DENND1A: variants seen among roughly 807,000 people sequenced by gnomAD.
DENND1A encodes the protein DENN domain-containing protein 1A.
A neutral mutation model predicts 113.7 loss-of-function variants in DENND1A; 51 were observed. That is an observed-to-expected ratio of 0.45 (90% CI 0.36 to 0.57). The LOEUF (loss-of-function observed/expected upper bound fraction) is 0.57, where lower values mean the gene tolerates loss of function less well. DENND1A is among the 20% of genes least tolerant of loss of function. The probability of loss-of-function intolerance (pLI) is 0.00; values close to 1 mark genes in which losing one functional copy is unlikely to be tolerated. For synonymous variants in DENND1A, 565 were observed against 570.8 expected, an observed-to-expected ratio of 0.99 and a Z score of 0.14; for missense variants, 1,258 against 1,395.9, an observed-to-expected ratio of 0.90 and a Z score of 1.57.
intron 5 of DENND1A, among the ~76,000 whole-genome samples, chr9:123,677,778 T>C (rs933880010): frequency 6.6e-6 from 1 of 152,194 alleles, no homozygotes; most frequent in Non-Finnish European, 1.5e-5. Context: ...TCGCACATTG[T>C]ACTTAATTGC....
intron 1 of DENND1A, among the ~76,000 whole-genome samples, chr9:123,919,055 A>G (rs947433327): frequency 3.3e-5 from 5 of 152,178 alleles, no homozygotes; most frequent in Admixed American, 1.3e-4. Context: ...TGCATGGGGG[A>G]AAAAGACAGC....
chr9:123,584,539 G>A lies in DENND1A; in HGVS notation c.766-1269C>T, dbSNP rs1589238142. ...ACATCCAATGGCTGCTCAAGCTCCA[G>A]TTTCCAATGCCCTGGAAATGGACAA... On this transcript the variant is annotated intron_variant, in intron 11 of 23. Coordinates refer to ENST00000394215, the MANE Select transcript of DENND1A (RefSeq NM_001352964.2). Among the ~76,000 whole-genome samples, 3 of 152,340 alleles carry A rather than the reference G, an allele frequency of 2.0e-5. No homozygotes were observed. In the Middle Eastern group the frequency reaches 0.01, roughly 518 times the overall value.
chr9:123,564,186 T>C (rs1377515893), intron 12 of DENND1A, among the ~76,000 whole-genome samples: 2 of 152,344 alleles, frequency 1.3e-5, no homozygotes, highest in African/African-American at 4.8e-5. Context: ...TACATGTCTT[T>C]CTCCCCAGGA....
At chr9:123,589,057 C>T (rs1249555315) in intron 11 of DENND1A, among the ~76,000 whole-genome samples, 4 of 152,082 alleles carry the variant, frequency 2.6e-5, no homozygotes, top group Non-Finnish European at 4.4e-5. Flanking sequence ...TGAGCCACTG[C>T]GTTTGGCCAG....
At chr9:123,428,276 C>G (rs1357318862) in intron 19 of DENND1A, among the ~76,000 whole-genome samples, 1 of 152,182 alleles carries the variant, frequency 6.6e-6, no homozygotes, top group African/African-American at 2.4e-5. Context: ...TAATTCATCA[C>G]ATAAACAGAA....
At chr9:123,859,094 T>C (rs1022308940) in intron 2 of DENND1A, among the ~76,000 whole-genome samples, 2 of 152,200 alleles carry the variant, frequency 1.3e-5, no homozygotes, top group African/African-American at 4.8e-5. Flanking sequence ...TATCTGAACA[T>C]CCACCTACCA....
chr9:123,542,624 T>A (rs1250273546), intron 13 of DENND1A, among the ~76,000 whole-genome samples: 2 of 152,068 alleles, frequency 1.3e-5, no homozygotes, highest in Non-Finnish European at 2.9e-5. Flanking sequence ...GTTTGGCCCA[T>A]GCAAGGCACC....
In DENND1A at chr9:123,595,848, A is replaced by C. The variant is rs113416997; in HGVS notation, c.766-12578T>G. On this transcript the variant is annotated intron_variant, in intron 11 of 23. Transcript: ENST00000394215. ...GGAGCTGGGTTCTGCCAGTCCTCCTAGCAATCCACTCTAGAAATCCACCCC... is the reference window on the plus strand; with the variant it reads ...GGAGCTGGGTTCTGCCAGTCCTCCTCGCAATCCACTCTAGAAATCCACCCC... 1.1e-4 allele frequency among the ~76,000 whole-genome samples: 16 copies of C among 152,154 alleles called. 1 individual carries two copies. The highest frequency in any genetic ancestry group is 3.9e-4 in the African/African-American group (16 of 41,532).
At chr9:123,839,055 G>A (rs1237284594) in intron 2 of DENND1A, among the ~76,000 whole-genome samples, 1 of 152,174 alleles carries the variant, frequency 6.6e-6, no homozygotes, top group African/African-American at 2.4e-5. Context: ...GGAGGCCACG[G>A]GGACCATCCA....
chr9:123,710,723 A>C (rs557601752), intron 5 of DENND1A, among the ~76,000 whole-genome samples: 6 of 146,064 alleles, frequency 4.1e-5, no homozygotes, highest in African/African-American at 1.6e-4. Flanking sequence ...CCCAGGCTGG[A>C]GTGCAGTAGC....
At chr9:123,607,145 A>G (rs953497509) in intron 11 of DENND1A, among the ~76,000 whole-genome samples, 1 of 152,126 alleles carries the variant, frequency 6.6e-6, no homozygotes. Flanking sequence ...CAACCCATGC[A>G]ATGTTGTGAC....
At chr9:123,397,057 C>T (rs1286388439) in intron 21 of DENND1A, among the ~76,000 whole-genome samples, 1 of 152,198 alleles carries the variant, frequency 6.6e-6, no homozygotes, top group Admixed American at 6.5e-5. Flanking sequence ...AAATAGATCT[C>T]ATAAGACCTC....
chr9:123,470,844 T>C (rs2049354786), intron 13 of DENND1A, among the ~76,000 whole-genome samples: 1 of 152,110 alleles, frequency 6.6e-6, no homozygotes, highest in Non-Finnish European at 1.5e-5. Context: ...ACTCCCTTAT[T>C]TATTATCACT....
chr9:123,654,775 TC>T (rs1470369933), intron 8 of DENND1A, among the ~76,000 whole-genome samples: 1 of 152,238 alleles, frequency 6.6e-6, no homozygotes, highest in African/African-American at 2.4e-5. Flanking sequence ...ATCTGCTTCC[TC>T]CCCTGCCTCT....
At chr9:123,802,932 C>T (rs1463818148) in intron 2 of DENND1A, among the ~76,000 whole-genome samples, 1 of 152,106 alleles carries the variant, frequency 6.6e-6, no homozygotes, top group Admixed American at 6.5e-5. Flanking sequence ...TAACTCCCAA[C>T]CTCAGGTGAT....
chr9:123,664,727 AC>A lies in DENND1A; in HGVS notation c.507+2298del, dbSNP rs759707870. 6.6e-5 allele frequency among the ~76,000 whole-genome samples: 10 copies of A among 152,236 alleles called. No individual in the cohort carries two copies. In the South Asian group the frequency reaches 1.5e-3, roughly 22 times the overall value. ...ATTTCAAATAGATGAATATTTTTAAACCTTTAATTAATTTATTATTATAGTT... is the reference window on the plus strand; with the variant it reads ...ATTTCAAATAGATGAATATTTTTAAACTTTAATTAATTTATTATTATAGTT... On this transcript the variant is annotated intron_variant, in intron 8 of 23. Transcript: ENST00000394215.
intron 5 of DENND1A, among the ~76,000 whole-genome samples, chr9:123,723,009 C>A (rs1029118218): frequency 6.6e-6 from 1 of 152,240 alleles, no homozygotes; most frequent in African/African-American, 2.4e-5. Context: ...AATACCAGCC[C>A]ATGAAAGCAG....
At chr9:123,534,640 A>G (rs1191253289) in intron 13 of DENND1A, among the ~76,000 whole-genome samples, 2 of 152,212 alleles carry the variant, frequency 1.3e-5, no homozygotes, top group Admixed American at 1.3e-4. Context: ...CCTCAGCAAT[A>G]TAAGTATCTG....
chr9:123,415,714 C>T (rs1224264180), intron 19 of DENND1A, among the ~76,000 whole-genome samples: 1 of 151,802 alleles, frequency 6.6e-6, no homozygotes, highest in African/African-American at 2.4e-5. Context: ...TCTGTGTCCT[C>T]ATCTGTGAGG....
Sources: gnomAD v4.1 joint callset for allele counts (sites outside exome capture counted in the v4.1 genomes callset) on GRCh38, gnomAD v4.1.1 for gene constraint, MANE v1.5 for transcripts, NCBI Gene and HGNC (gene_info 2026-07-23, HGNC 2026-07-21) for gene names.